Variants in COL18A1 observed in about 807,000 individuals in gnomAD.
COL18A1 encodes collagen alpha-1(XVIII) chain.
Under a neutral mutation model 168.0 loss-of-function variants are expected in COL18A1, and 133 were observed. That is an observed-to-expected ratio of 0.79 (90% CI 0.69 to 0.91). The LOEUF (loss-of-function observed/expected upper bound fraction) is 0.91. Ranked by LOEUF, COL18A1 falls within the 40% of genes least tolerant of loss-of-function variation. The pLI, the probability that COL18A1 is intolerant of heterozygous loss-of-function variation, is 0.00. For missense variants in COL18A1, 2,126 were observed against 1,925.4 expected (o/e 1.10, Z -1.95); for synonymous variants, 949 against 809.0 (o/e 1.17, Z -2.94).
At chr21:45,477,608 A>G in intron 7 of COL18A1, 121 bp downstream of exon 7, 1 of 1,272,316 alleles carries the variant, frequency 7.9e-7, no homozygotes, top group Non-Finnish European at 1.1e-6. Flanking sequence ...TGTGCCCAGC[A>G]CTCGGTGCCA....
chr21:45,479,035 G>A (rs2035783972), intron 9 of COL18A1, among the ~76,000 whole-genome samples: 1 of 152,116 alleles, frequency 6.6e-6, no homozygotes, highest in Non-Finnish European at 1.5e-5. Flanking sequence ...AGTCGGCTGG[G>A]GGGCGGCACG....
chr21:45,453,893 G>A (rs1281186883), intron 2 of COL18A1, among the ~76,000 whole-genome samples: 1 of 152,208 alleles, frequency 6.6e-6, no homozygotes, highest in East Asian at 1.9e-4. Context: ...GGCCAGCCCA[G>A]CTGGCCAGTG....
At chr21:45,437,135 TCTCCACA>T (rs2034132674) in intron 2 of COL18A1, among the ~76,000 whole-genome samples, 1 of 75,990 alleles carries the variant, frequency 1.3e-5, no homozygotes, top group African/African-American at 8.9e-5. Flanking sequence ...ACACAGGCAC[TCTCCACA>T]CACACTCACA....
chr21:45,452,956 G>A (rs1292613650), intron 2 of COL18A1, among the ~76,000 whole-genome samples: 1 of 145,170 alleles, frequency 6.9e-6, no homozygotes, highest in Non-Finnish European at 1.6e-5. Context: ...GTATGTACAT[G>A]TGTGACCTTG....
chr21:45,508,223 T>C (rs1382737041), intron 38 of COL18A1, among the ~76,000 whole-genome samples: 1 of 138,514 alleles, frequency 7.2e-6, no homozygotes, highest in Admixed American at 7.2e-5. Flanking sequence ...AATGGGTGGG[T>C]GGATAGTGGG....
chr21:45,500,293 A>AGT (rs146899000), intron 32 of COL18A1, among the ~76,000 whole-genome samples: 19,402 of 35,456 alleles, frequency 0.55, 5,276 homozygotes, highest in African/African-American at 0.68. Context: ...GGGTGTGTGG[A>AGT]GTGTATATGT....
Position 45,423,443 on chromosome 21 carries a change from A to T in COL18A1, c.106+17970A>T, listed in dbSNP as rs1416728202. On this transcript the variant is annotated intron_variant, in intron 2 of 41. Transcript: ENST00000651438. This position sits in a 1 kb window ranked among gnomAD's most constrained non-coding sequence, Gnocchi z 4.0. Reference sequence around the variant, plus strand: ...GAGCTCCACAAGCACCTCGGACGGCAGCAGGACCCTCCCAAAGCTGTGTCC... The same window carrying T: ...GAGCTCCACAAGCACCTCGGACGGCTGCAGGACCCTCCCAAAGCTGTGTCC... Among the ~76,000 whole-genome samples, 2 of 152,200 alleles carry T rather than the reference A, an allele frequency of 1.3e-5. No individual in the cohort carries two copies. The highest frequency in any genetic ancestry group is 2.9e-5 in the Non-Finnish European group (2 of 68,036).
intron 37 of COL18A1, chr21:45,507,008 G>A: frequency 3.4e-6 from 1 of 291,516 alleles, no homozygotes; most frequent in Non-Finnish European, 6.9e-6. Flanking sequence ...TAACTTTCAG[G>A]GGCTTTGGTC....
chr21:45,488,861 C>A (rs2036203649), intron 18 of COL18A1, among the ~76,000 whole-genome samples: 1 of 152,086 alleles, frequency 6.6e-6, no homozygotes, highest in African/African-American at 2.4e-5. Flanking sequence ...CTCTGCTCCC[C>A]CCATCCCTGG....
At chr21:45,510,475 C>T (rs1351758938) in intron 40 of COL18A1, among the ~76,000 whole-genome samples, 3 of 152,174 alleles carry the variant, frequency 2.0e-5, no homozygotes, top group Non-Finnish European at 4.4e-5. Context: ...GCCACGTCCC[C>T]CAGGGCATCC....
chr21:45,503,752 ATC>A (rs1555874194), intron 32 of COL18A1, among the ~76,000 whole-genome samples: 68 of 152,268 alleles, frequency 4.5e-4, no homozygotes, highest in Admixed American at 1.9e-3. Context: ...TAACCTGCAC[ATC>A]ATGCACATGT....
At position 45,405,485 on chromosome 21, in the gene COL18A1, G is replaced by C; in HGVS notation, c.106+12G>C. 7.4e-7 allele frequency: 1 copy of C among 1,355,344 alleles called. No individual in the cohort carries two copies. Among genetic ancestry groups the C allele is most frequent in the Non-Finnish European group, 9.6e-7 (1 of 1,044,880 alleles). The allele number at this position is 1,355,344 out of a possible 1,614,324, so 84.0% of individuals were successfully genotyped here. A position where few individuals can be genotyped will look rare whatever the true frequency, so the allele number is the denominator to read the frequency against. ...CTCCGCGGAGCCAGGTAAGACCCGG[G>C]CGGGACGGGAAGGTTCGCGCCGGTG... On this transcript the variant is annotated intron_variant, in intron 2 of 41. Transcript: ENST00000651438.
chr21:45,478,253 A>G (rs778719443), intron 8 of COL18A1, 74 bp from the exon 9 acceptor site: 3 of 1,596,062 alleles, frequency 1.9e-6, no homozygotes, highest in African/African-American at 1.3e-5. Flanking sequence ...CGTGGGGTGC[A>G]TTTCCATGTA....
At chr21:45,417,243 T>C (rs2033474124) in intron 2 of COL18A1, among the ~76,000 whole-genome samples, 1 of 152,208 alleles carries the variant, frequency 6.6e-6, no homozygotes, top group South Asian at 2.1e-4. Flanking sequence ...TCACGTGGAC[T>C]CACCTCCTGG....
At chr21:45,430,740 C>T (rs550180972) in intron 2 of COL18A1, among the ~76,000 whole-genome samples, 3 of 152,274 alleles carry the variant, frequency 2.0e-5, no homozygotes, top group Admixed American at 1.3e-4. Context: ...TGCAAGGGAG[C>T]GTCAGTGGCC....
intron 2 of COL18A1, among the ~76,000 whole-genome samples, chr21:45,427,112 G>A (rs958205462): frequency 1.8e-4 from 28 of 152,202 alleles, no homozygotes; most frequent in African/African-American, 5.8e-4. Flanking sequence ...GGCTCTCTCC[G>A]GAGCGTGTGT....
chr21:45,482,784 T>C lies in COL18A1; in HGVS notation c.1675-11T>C, dbSNP rs778512164. On this transcript the variant is annotated splice_polypyrimidine_tract_variant and intron_variant, in intron 14 of 41. Transcript: ENST00000651438. ...TCTGATTTTGTCATAATCCTGCTCT[T>C]TTCCGTACAGGGTGAAGCAGGCGCC... 12 of 1,614,216 alleles carry C rather than the reference T, an allele frequency of 7.4e-6. No homozygotes were observed. The East Asian group carries it at 2.0e-4, about 27-fold the overall frequency.
At chr21:45,486,020 C>T (rs1293469290) in intron 15 of COL18A1, among the ~76,000 whole-genome samples, 1 of 152,230 alleles carries the variant, frequency 6.6e-6, no homozygotes, top group African/African-American at 2.4e-5. Context: ...AGCTGGGCCA[C>T]GTCACAGCGG....
intron 38 of COL18A1, among the ~76,000 whole-genome samples, chr21:45,507,810 C>T (rs1244191259): frequency 2.0e-5 from 3 of 152,230 alleles, no homozygotes; most frequent in South Asian, 4.1e-4. Context: ...GCTGGCCTCA[C>T]GAGGGAGCCC....
Sources: gnomAD v4.1 joint callset for allele counts (sites outside exome capture counted in the v4.1 genomes callset) on GRCh38, gnomAD v4.1.1 for gene constraint, Gnocchi (gnomAD v3.1) non-coding constraint, MANE v1.5 for transcripts, NCBI Gene and HGNC (gene_info 2026-07-23, HGNC 2026-07-21) for gene names.